WDFY2: variants seen among roughly 807,000 people sequenced by gnomAD.
The protein encoded by WDFY2 is WD repeat and FYVE domain containing 2.
A neutral mutation model predicts 56.4 loss-of-function variants in WDFY2; 36 were observed. The ratio of observed to expected loss-of-function variants is 0.64; its 90% CI spans 0.49 to 0.84. WDFY2 has a LOEUF of 0.84. Among genes scored for constraint, WDFY2 ranks in the 40% least tolerant of loss-of-function variants. The pLI, the probability that WDFY2 is intolerant of heterozygous loss-of-function variation, is 0.00. For synonymous variants in WDFY2, 176 were observed against 183.7 expected, an observed-to-expected ratio of 0.96 and a Z score of 0.34; for missense variants, 444 against 512.2, an observed-to-expected ratio of 0.87 and a Z score of 1.29.
At chr13:51,739,218 C>T in intron 7 of WDFY2, 43 bp downstream of exon 7, 1 of 1,539,230 alleles carries the variant, frequency 6.5e-7, no homozygotes, top group Non-Finnish European at 8.8e-7. Context: ...AGAAAAGATT[C>T]TCAGCTGACA....
At chr13:51,621,162 T>C (rs919224953) in intron 1 of WDFY2, among the ~76,000 whole-genome samples, 1 of 152,220 alleles carries the variant, frequency 6.6e-6, no homozygotes, top group Non-Finnish European at 1.5e-5. Flanking sequence ...CGCATACTTT[T>C]AATAGATTGG....
chr13:51,735,107 A>G (rs1323201399), intron 6 of WDFY2, among the ~76,000 whole-genome samples: 2 of 152,228 alleles, frequency 1.3e-5, no homozygotes, highest in African/African-American at 2.4e-5. Flanking sequence ...TTCCCTCAGA[A>G]GGGAGAGGCC....
chr13:51,693,021 C>CAAAA (rs1252818998), intron 3 of WDFY2, among the ~76,000 whole-genome samples: 4 of 152,268 alleles, frequency 2.6e-5, no homozygotes, highest in African/African-American at 9.6e-5. Context: ...GTTTGTATTT[C>CAAAA]TGTGGGATTG....
intron 1 of WDFY2, among the ~76,000 whole-genome samples, chr13:51,607,547 TTTTC>T (rs1954405353): frequency 6.6e-6 from 1 of 152,282 alleles, no homozygotes; most frequent in African/African-American, 2.4e-5. Context: ...AGTGTTTTTT[TTTTC>T]TTTCTGAGTC....
intron 4 of WDFY2, among the ~76,000 whole-genome samples, chr13:51,710,314 A>C (rs1952182568): frequency 6.6e-6 from 1 of 152,258 alleles, no homozygotes; most frequent in Non-Finnish European, 1.5e-5. Flanking sequence ...ATTTATGACA[A>C]ACCCACAGCC....
At chr13:51,631,185 A>G (rs1364991981) in intron 1 of WDFY2, among the ~76,000 whole-genome samples, 5 of 151,430 alleles carry the variant, frequency 3.3e-5, no homozygotes, top group Non-Finnish European at 5.9e-5. Flanking sequence ...TGAGCCCAGG[A>G]GTTCAAGACC....
At chr13:51,682,423 T>C (rs1423002162) in intron 3 of WDFY2, among the ~76,000 whole-genome samples, 1 of 152,240 alleles carries the variant, frequency 6.6e-6, no homozygotes, top group Non-Finnish European at 1.5e-5. Context: ...TCTGTTACAG[T>C]CTGGCACCCA....
rs1167981108 is a variant in WDFY2 at position 51,765,646 on chromosome 13, C to T, written c.*5877C>T. 6.6e-6 allele frequency: 1 copy of T among 152,198 alleles called. No homozygotes were observed. The highest frequency in any genetic ancestry group is 6.5e-5 in the Admixed American group (1 of 15,284). 9.4% of individuals were successfully genotyped at this position (152,198 alleles called of 1,614,324 possible). A position where few individuals can be genotyped will look rare whatever the true frequency, so the allele number is the denominator to read the frequency against. Reference sequence around the variant, plus strand: ...CATATTGCTGGCTTCCCTTGGATAACGGAGAGCCTATCACCACATGCCTTT... The same window carrying T: ...CATATTGCTGGCTTCCCTTGGATAATGGAGAGCCTATCACCACATGCCTTT... On this transcript the variant is annotated 3_prime_UTR_variant, in exon 12 of 12. Coordinates refer to ENST00000298125, the MANE Select transcript of WDFY2 (RefSeq NM_052950.4).
intron 1 of WDFY2, among the ~76,000 whole-genome samples, chr13:51,603,196 C>T (rs1330762749): frequency 2.6e-5 from 4 of 152,174 alleles, no homozygotes; most frequent in African/African-American, 9.7e-5. Flanking sequence ...GGAATCATTC[C>T]TTTGCTCTTC....
At chr13:51,758,480 G>A (rs1953470794) in intron 11 of WDFY2, among the ~76,000 whole-genome samples, 180 bp downstream of exon 11, 1 of 150,580 alleles carries the variant, frequency 6.6e-6, no homozygotes, top group African/African-American at 2.4e-5. Context: ...GAGTCCAGGA[G>A]TTGAAGGCTA....
At chr13:51,646,457 C>T (rs919624227) in intron 1 of WDFY2, among the ~76,000 whole-genome samples, 1 of 152,248 alleles carries the variant, frequency 6.6e-6, no homozygotes, top group Non-Finnish European at 1.5e-5. Flanking sequence ...CCTATCACAG[C>T]ATGGGCATCT....
intron 6 of WDFY2, among the ~76,000 whole-genome samples, chr13:51,736,431 A>C (rs1952837770): frequency 6.6e-6 from 1 of 152,118 alleles, no homozygotes; most frequent in Non-Finnish European, 1.5e-5. Context: ...CCCATAAACC[A>C]TCCTCATCCC....
In WDFY2 at chr13:51,612,731, T is replaced by C. The variant is rs534435818; in HGVS notation, c.137+27907T>C. Among the ~76,000 whole-genome samples, 4 of 152,364 alleles carry C rather than the reference T, an allele frequency of 2.6e-5. No homozygotes were observed. The South Asian group carries it at 6.2e-4, about 24-fold the overall frequency. On this transcript the variant is annotated intron_variant, in intron 1 of 11. Transcript: ENST00000298125. Reference sequence around the variant, plus strand: ...AATGTGGAAAGTTTATGGTTGACCATATACATTATGTTCTGTGCATTGTCC... The same window carrying C: ...AATGTGGAAAGTTTATGGTTGACCACATACATTATGTTCTGTGCATTGTCC...
At chr13:51,640,138 A>G (rs574747023) in intron 1 of WDFY2, among the ~76,000 whole-genome samples, 34 of 152,240 alleles carry the variant, frequency 2.2e-4, no homozygotes, top group Non-Finnish European at 4.4e-4. Flanking sequence ...AATAAAGGAT[A>G]TTAAATCAAT....
chr13:51,755,051 C>T lies in WDFY2; in HGVS notation c.832-307C>T, dbSNP rs57043306. Among the ~76,000 whole-genome samples the T allele has an allele frequency of 3.0e-3, 463 of 152,322 alleles. 2 individuals are homozygous for T. The highest frequency in any genetic ancestry group is 0.011 in the African/African-American group (441 of 41,564). ...AGAACCTCAGCCTGGGTCAGAGGCTCCTGTGATCTCTCTGCCAAAGCACTC... is the reference window on the plus strand; with the variant it reads ...AGAACCTCAGCCTGGGTCAGAGGCTTCTGTGATCTCTCTGCCAAAGCACTC... On this transcript the variant is annotated intron_variant, in intron 8 of 11. Coordinates refer to ENST00000298125, the MANE Select transcript of WDFY2 (RefSeq NM_052950.4).
At chr13:51,708,034 AC>A (rs1324670568) in intron 4 of WDFY2, among the ~76,000 whole-genome samples, 2 of 126,764 alleles carry the variant, frequency 1.6e-5, no homozygotes, top group Non-Finnish European at 3.1e-5. Flanking sequence ...TTGTGGGCAC[AC>A]CCCAGGTTCA....
At chr13:51,617,461 A>G (rs1566316160) in intron 1 of WDFY2, among the ~76,000 whole-genome samples, 1 of 151,820 alleles carries the variant, frequency 6.6e-6, no homozygotes. Context: ...TTTTCTTATT[A>G]TGATGTTCAT....
rs183167049 is a variant in WDFY2 at position 51,706,992 on chromosome 13, A to G, written c.334+3342A>G. Among the ~76,000 whole-genome samples the G allele has an allele frequency of 4.6e-5, 7 of 152,332 alleles. No individual in the cohort carries two copies. In the East Asian group the frequency reaches 1.3e-3, roughly 29 times the overall value. ...GTTTCAGGAACAACAAGGAAATAAA[A>G]CGATTATGGAAAAAACAGGAAGATT... On this transcript the variant is annotated intron_variant, in intron 4 of 11. Coordinates refer to ENST00000298125, the MANE Select transcript of WDFY2 (RefSeq NM_052950.4).
chr13:51,609,031 GTA>G, intron 1 of WDFY2, among the ~76,000 whole-genome samples: 1 of 152,226 alleles, frequency 6.6e-6, no homozygotes, highest in South Asian at 2.1e-4. Context: ...GTGTGTGTGG[GTA>G]TGTGTGTGCA....
Sources: gnomAD v4.1 joint callset for allele counts (sites outside exome capture counted in the v4.1 genomes callset) on GRCh38, gnomAD v4.1.1 for gene constraint, MANE v1.5 for transcripts, NCBI Gene and HGNC (gene_info 2026-07-23, HGNC 2026-07-21) for gene names.